WDR26: variants seen among roughly 807,000 people sequenced by gnomAD.
WDR26 encodes WD repeat-containing protein 26.
Under a neutral mutation model 84.1 loss-of-function variants are expected in WDR26, and 5 were observed. The ratio of observed to expected loss-of-function variants is 0.06; its 90% CI spans 0.03 to 0.13. The LOEUF is 0.13. Among genes scored for constraint, WDR26 ranks in the 10% least tolerant of loss-of-function variants. The probability of loss-of-function intolerance (pLI) is 1.00; values close to 1 mark genes in which losing one functional copy is unlikely to be tolerated. For missense variants in WDR26, 642 were observed against 974.9 expected, an observed-to-expected ratio of 0.66 and a Z score of 4.55; for synonymous variants, 415 against 389.6, an observed-to-expected ratio of 1.07 and a Z score of -0.77.
At chr1:224,395,953 C>T (rs570122758) in intron 12 of WDR26, among the ~76,000 whole-genome samples, 4 of 152,182 alleles carry the variant, frequency 2.6e-5, no homozygotes, top group Admixed American at 6.5e-5. Context: ...TTTTGGGAAA[C>T]GGTTTTTAAT....
rs774745070 is a variant in WDR26, at chr1:224,419,619, A to G, written c.1065-4T>C. The G allele has an allele frequency of 1.3e-4, 216 of 1,609,652 alleles. No homozygotes were observed. Among genetic ancestry groups the G allele is most frequent in the Non-Finnish European group, 1.8e-4 (211 of 1,176,234 alleles). On this transcript the variant is annotated splice_polypyrimidine_tract_variant and splice_region_variant and intron_variant, in intron 4 of 13. Coordinates refer to ENST00000414423, the MANE Select transcript of WDR26 (RefSeq NM_001379403.1). ...TGCATGGCTACACATCAGATACCTA[A>G]AAATACAACAGAGAAAGCAACCAAT... is the stretch of plus-strand genomic sequence containing the variant.
intron 6 of WDR26, among the ~76,000 whole-genome samples, chr1:224,416,128 G>A (rs984967609): frequency 2.6e-5 from 4 of 152,116 alleles, no homozygotes; most frequent in Admixed American, 2.0e-4. Context: ...TAGAGTGAAG[G>A]TTTTGTTTTA....
In WDR26 at chr1:224,388,799, A is replaced by C. The variant is rs941167032; in HGVS notation, c.*1036T>G. The C allele has an allele frequency of 6.6e-6, 1 of 152,630 alleles. No homozygotes were observed. Among genetic ancestry groups the C allele is most frequent in the Non-Finnish European group, 1.5e-5 (1 of 68,028 alleles). 9.5% of individuals were successfully genotyped at this position (152,630 alleles called of 1,614,324 possible). On this transcript the variant is annotated 3_prime_UTR_variant, in exon 14 of 14. Coordinates refer to ENST00000414423, the MANE Select transcript of WDR26 (RefSeq NM_001379403.1). ...GATTCCTACTCTTTTGCTAGATCACACCAAAATTACTTCCTAAGTTGAGAA... is the reference window on the plus strand; with the variant it reads ...GATTCCTACTCTTTTGCTAGATCACCCCAAAATTACTTCCTAAGTTGAGAA...
intron 3 of WDR26, among the ~76,000 whole-genome samples, chr1:224,428,358 T>A (rs966798182): frequency 1.3e-5 from 2 of 152,192 alleles, no homozygotes; most frequent in African/African-American, 4.8e-5. Flanking sequence ...CCAAATCTTA[T>A]CAATTAAATC....
chr1:224,417,756 C>T (rs1179739027), intron 6 of WDR26, among the ~76,000 whole-genome samples: 2 of 152,076 alleles, frequency 1.3e-5, no homozygotes, highest in Non-Finnish European at 2.9e-5. Flanking sequence ...ATTTTAGAGA[C>T]CATTAAAATA....
chr1:224,411,403 A>G (rs1673732429), intron 7 of WDR26, 24 bp downstream of exon 7: 3 of 1,583,848 alleles, frequency 1.9e-6, no homozygotes, highest in Non-Finnish European at 2.6e-6. Flanking sequence ...TTTGTAATAT[A>G]AACACTCATA....
intron 8 of WDR26, among the ~76,000 whole-genome samples, chr1:224,403,658 C>G (rs571957000): frequency 6.6e-6 from 1 of 152,082 alleles, no homozygotes; most frequent in Non-Finnish European, 1.5e-5. Context: ...AGCAATGGAC[C>G]GGGCACGGTG....
At chr1:224,404,028 A>G (rs750822061) in intron 8 of WDR26, among the ~76,000 whole-genome samples, 13 of 152,360 alleles carry the variant, frequency 8.5e-5, no homozygotes, top group Non-Finnish European at 1.9e-4. Context: ...CTAGCTTAGT[A>G]TATTAAATAT....
At chr1:224,432,916 C>G (rs1043938254) in intron 1 of WDR26, among the ~76,000 whole-genome samples, 4 of 152,168 alleles carry the variant, frequency 2.6e-5, no homozygotes, top group African/African-American at 7.2e-5. Context: ...CTACCTTCAC[C>G]CTATGTTAGG....
intron 1 of WDR26, 62 bp downstream of exon 1, chr1:224,433,622 A>ACCCCCCC: frequency 9.4e-6 from 8 of 852,286 alleles, no homozygotes; most frequent in East Asian, 5.3e-5. Flanking sequence ...CCCTTCCCCT[A>ACCCCCCC]CCCCCCTGGA....
chr1:224,400,609 G>A (rs997159992), intron 9 of WDR26, among the ~76,000 whole-genome samples: 15 of 152,114 alleles, frequency 9.9e-5, no homozygotes, highest in African/African-American at 3.6e-4. Context: ...GCAATGGCGC[G>A]ATCTTGGCCC....
Position 224,394,108 on chromosome 1 carries a change from A to G in WDR26, c.2075-95T>C, listed in dbSNP as rs932726022. 3.6e-5 allele frequency: 33 copies of G among 917,190 alleles called. No individual in the cohort carries two copies. In the African/African-American group the frequency reaches 5.5e-4, roughly 15 times the overall value. The allele number at this position is 917,190 out of a possible 1,614,324, so 56.8% of individuals were successfully genotyped here. A position where few individuals can be genotyped will look rare whatever the true frequency, so the allele number is the denominator to read the frequency against. ...TTCACTACACACAGGACTCTTTACT[A>G]GAACTTAAAGGGAAAATAAATATAC... On this transcript the variant is annotated intron_variant, in intron 12 of 13. Transcript: ENST00000414423.
chr1:224,419,147 C>T (rs1673986312), intron 5 of WDR26, among the ~76,000 whole-genome samples: 1 of 152,106 alleles, frequency 6.6e-6, no homozygotes. Flanking sequence ...AAGAATAAAA[C>T]AATTTACCTA....
intron 13 of WDR26, 53 bp from the exon 14 acceptor site, chr1:224,389,913 G>T: frequency 8.2e-7 from 1 of 1,217,386 alleles, no homozygotes; most frequent in South Asian, 1.4e-5. Flanking sequence ...AGGGAAGAGG[G>T]GAAGGAGAGA....
At chr1:224,396,511 C>CA (rs1203794211) in intron 12 of WDR26, among the ~76,000 whole-genome samples, 1 of 152,136 alleles carries the variant, frequency 6.6e-6, no homozygotes, top group Non-Finnish European at 1.5e-5. Context: ...TAAAAACAGA[C>CA]AGACAAAACA....
chr1:224,407,151 A>AAAAAAAGAATATATATATGTAT, intron 7 of WDR26, among the ~76,000 whole-genome samples: 1 of 11,868 alleles, frequency 8.4e-5, no homozygotes, highest in Non-Finnish European at 1.4e-4. Flanking sequence ...AAAAAAAAAA[A>AAAAAAAGAATATATATATGTAT]ATATATATAT....
rs958680097 is a variant in WDR26, at chr1:224,388,790, C to G, written c.*1045G>C. ...TGTATCGCTGATTCCTACTCTTTTGCTAGATCACACCAAAATTACTTCCTA... is the reference window on the plus strand; with the variant it reads ...TGTATCGCTGATTCCTACTCTTTTGGTAGATCACACCAAAATTACTTCCTA... On this transcript the variant is annotated 3_prime_UTR_variant, in exon 14 of 14. Transcript: ENST00000414423. 2.0e-5 allele frequency: 3 copies of G among 152,708 alleles called. No homozygotes were observed. The highest frequency in any genetic ancestry group is 3.4e-3 in the Middle Eastern group (1 of 294). 9.5% of individuals were successfully genotyped at this position (152,708 alleles called of 1,614,324 possible). A position where few individuals can be genotyped will look rare whatever the true frequency, so the allele number is the denominator to read the frequency against.
intron 12 of WDR26, among the ~76,000 whole-genome samples, chr1:224,396,686 C>T (rs7512431): frequency 0.28 from 42,284 of 152,020 alleles, 7,206 homozygotes; most frequent in African/African-American, 0.47. Context: ...AGGCTGGGCG[C>T]GGTGGCTCAT....
At chr1:224,409,668 C>T (rs1673678750) in intron 7 of WDR26, among the ~76,000 whole-genome samples, 1 of 151,664 alleles carries the variant, frequency 6.6e-6, no homozygotes, top group Non-Finnish European at 1.5e-5. Context: ...TGATACCAGC[C>T]TGGCCAACAT....
Sources: gnomAD v4.1 joint callset for allele counts (sites outside exome capture counted in the v4.1 genomes callset) on GRCh38, gnomAD v4.1.1 for gene constraint, MANE v1.5 for transcripts, NCBI Gene and HGNC (gene_info 2026-07-23, HGNC 2026-07-21) for gene names.